ACSS2: variants seen among roughly 807,000 people sequenced by gnomAD.
ACSS2 encodes acyl-CoA synthetase short chain family member 2, also known as acetyl-coenzyme A synthetase, cytoplasmic.
ACSS2 carries 58 observed loss-of-function variants against 90.6 expected under a neutral mutation model. That is an observed-to-expected ratio of 0.64 (90% CI 0.52 to 0.80). ACSS2 has a LOEUF of 0.80. ACSS2 is among the 30% of genes least tolerant of loss of function. The probability of loss-of-function intolerance (pLI) is 0.00; values close to 1 mark genes in which losing one functional copy is unlikely to be tolerated. For missense variants in ACSS2, 759 were observed against 912.0 expected (o/e 0.83, Z 2.16); for synonymous variants, 300 against 330.9 (o/e 0.91, Z 1.01).
At chr20:34,903,440 A>AT (rs2080719628) in intron 2 of ACSS2, among the ~76,000 whole-genome samples, 1 of 152,098 alleles carries the variant, frequency 6.6e-6, no homozygotes, top group African/African-American at 2.4e-5. Flanking sequence ...CATTGTGGTC[A>AT]TCCAGGCAAG....
chr20:34,899,877 G>T (rs1217375504), intron 2 of ACSS2, among the ~76,000 whole-genome samples: 3 of 152,022 alleles, frequency 2.0e-5, no homozygotes, highest in African/African-American at 7.2e-5. Flanking sequence ...CAAACCTTTG[G>T]GTACATGTTT....
intron 1 of ACSS2, among the ~76,000 whole-genome samples, chr20:34,880,062 A>G (rs2146961818): frequency 6.6e-6 from 1 of 152,290 alleles, no homozygotes; most frequent in African/African-American, 2.4e-5. Flanking sequence ...ATGGCCATTT[A>G]TTATTCTATG....
intron 7 of ACSS2, among the ~76,000 whole-genome samples, chr20:34,919,103 A>G (rs1205565585): frequency 6.6e-6 from 1 of 152,194 alleles, no homozygotes; most frequent in African/African-American, 2.4e-5. Flanking sequence ...AATCTATCAG[A>G]TACTGTTCAG....
intron 15 of ACSS2, 93 bp from the exon 16 acceptor site, chr20:34,926,012 G>A: frequency 7.3e-7 from 1 of 1,365,676 alleles, no homozygotes; most frequent in South Asian, 1.2e-5. Context: ...TTCTCCATTT[G>A]GCCAGACCAG....
chr20:34,890,369 A>C (rs919370139), intron 2 of ACSS2, among the ~76,000 whole-genome samples: 25 of 152,120 alleles, frequency 1.6e-4, no homozygotes, highest in Non-Finnish European at 5.9e-5. Context: ...GTGGGGGTGC[A>C]TGTGTATATG....
intron 2 of ACSS2, among the ~76,000 whole-genome samples, chr20:34,898,486 GA>G (rs1163392652): frequency 6.6e-6 from 1 of 152,124 alleles, no homozygotes; most frequent in African/African-American, 2.4e-5. Context: ...CCCTGAGCTA[GA>G]CACAGGGTGC....
intron 2 of ACSS2, 102 bp from the exon 3 acceptor site, chr20:34,912,994 T>G (rs2080996330): frequency 2.2e-6 from 2 of 901,018 alleles, no homozygotes; most frequent in South Asian, 2.7e-5. Context: ...ATAGAACAGT[T>G]CCAGGCCTTA....
chr20:34,903,657 C>G (rs536204796), intron 2 of ACSS2, among the ~76,000 whole-genome samples: 2 of 152,230 alleles, frequency 1.3e-5, no homozygotes, highest in Admixed American at 6.5e-5. Flanking sequence ...AGAACTCAGT[C>G]TTTCCCTCAG....
rs761930139 is a variant in ACSS2, at chr20:34,920,705, T to G, written c.1139T>G (p.Val380Gly). The change falls in exon 9 of 18, where the codon GTT (valine) becomes GGT (glycine). Residue 380 changes from valine (V) to glycine (G), a missense_variant. Transcript: ENST00000360596. Reference sequence around the variant, plus strand: ...CCACTGGCCAATGGTGCCACCAGTGTTTTGGTGAGAAGGGAGCCACCTGGC... The same window carrying G: ...CCACTGGCCAATGGTGCCACCAGTGGTTTGGTGAGAAGGGAGCCACCTGGC... ...YGPLANGATSVLFEGIPTYPD... is the reference protein window; with the variant it reads ...YGPLANGATSGLFEGIPTYPD... 6.2e-7 allele frequency: 1 copy of G among 1,610,692 alleles called. No homozygotes were observed.
intron 14 of ACSS2, 74 bp from the exon 15 acceptor site, chr20:34,925,624 G>A (rs2081299839): frequency 6.7e-6 from 10 of 1,484,822 alleles, no homozygotes; most frequent in Middle Eastern, 1.7e-4. Context: ...TGCAGAAGGT[G>A]TAGCAGTTTG....
At chr20:34,919,373 G>T in intron 7 of ACSS2, 62 bp from the exon 8 acceptor site, 1 of 1,599,788 alleles carries the variant, frequency 6.3e-7, no homozygotes. Context: ...CAGGGGCAAG[G>T]TACGGGTGTA....
intron 14 of ACSS2, 124 bp from the exon 15 acceptor site, chr20:34,925,574 T>C (rs2081298807): frequency 3.9e-6 from 4 of 1,021,108 alleles, no homozygotes; most frequent in Non-Finnish European, 5.8e-6. Flanking sequence ...GCTACTACAG[T>C]GGGCAAGAGT....
chr20:34,891,436 T>C (rs773786427), intron 2 of ACSS2, among the ~76,000 whole-genome samples: 27 of 152,146 alleles, frequency 1.8e-4, no homozygotes, highest in Non-Finnish European at 3.4e-4. Context: ...AGTAGGCGGG[T>C]TGAATTTCTG....
At chr20:34,882,673 C>T in intron 1 of ACSS2, 121 bp from the exon 2 acceptor site, 1 of 838,012 alleles carries the variant, frequency 1.2e-6, no homozygotes, top group Non-Finnish European at 1.9e-6. Flanking sequence ...AGAAGGGACC[C>T]AGGTGGTGGG....
intron 2 of ACSS2, among the ~76,000 whole-genome samples, chr20:34,907,266 C>T (rs111360968): frequency 0.022 from 3,402 of 151,994 alleles, 53 homozygotes; most frequent in Middle Eastern, 0.031. Context: ...TACAGGCATG[C>T]GCCACCATGC....
chr20:34,906,118 A>G (rs181229510), intron 2 of ACSS2, among the ~76,000 whole-genome samples: 19 of 151,814 alleles, frequency 1.3e-4, no homozygotes, highest in Non-Finnish European at 2.2e-4. Context: ...GGTGGATCAC[A>G]AGGTCAAGAG....
chr20:34,896,712 C>T (rs188447731), intron 2 of ACSS2, among the ~76,000 whole-genome samples: 1 of 152,196 alleles, frequency 6.6e-6, no homozygotes. Flanking sequence ...ACATAGGACT[C>T]TAGTGCTAGA....
At chr20:34,897,589 T>C (rs532698173) in intron 2 of ACSS2, among the ~76,000 whole-genome samples, 3 of 152,130 alleles carry the variant, frequency 2.0e-5, no homozygotes, top group Admixed American at 6.6e-5. Context: ...GGTGGGTGGA[T>C]CACCTGAGGT....
intron 3 of ACSS2, 102 bp downstream of exon 3, chr20:34,913,289 CAG>C: frequency 1.3e-6 from 2 of 1,549,440 alleles, no homozygotes; most frequent in Non-Finnish European, 1.8e-6. Flanking sequence ...AATTTGGTAA[CAG>C]AGGAAGAGAA....
Sources: allele counts gnomAD v4.1 joint callset (sites outside exome capture counted in the v4.1 genomes callset), GRCh38; gene constraint gnomAD v4.1.1; transcripts MANE v1.5; gene names NCBI Gene and HGNC (gene_info 2026-07-23, HGNC 2026-07-21).